P2RY14: variants seen among roughly 807,000 people sequenced by gnomAD.
P2RY14 encodes the protein purinergic receptor P2Y14, also known as P2Y purinoceptor 14.
Under a neutral mutation model 0.9 loss-of-function variants are expected in P2RY14, and 2 were observed. The observed-to-expected ratio is 2.16, with a 90% confidence interval of 0.88 to 6.79. The LOEUF (loss-of-function observed/expected upper bound fraction) is 6.79. P2RY14 is among the 30% of genes most tolerant of loss of function. P2RY14 has a pLI of 0.05. For missense variants in P2RY14, 378 were observed against 400.1 expected (o/e 0.94, Z 0.47); for synonymous variants, 158 against 147.2 (o/e 1.07, Z -0.53).
intron 1 of P2RY14, among the ~76,000 whole-genome samples, chr3:151,239,478 C>A (rs934741688): frequency 6.6e-6 from 1 of 152,176 alleles, no homozygotes; most frequent in Admixed American, 6.5e-5. Flanking sequence ...ACTGTCTTCT[C>A]TAGGCCAGAT....
intron 1 of P2RY14, among the ~76,000 whole-genome samples, chr3:151,253,160 AG>A (rs1369016468): frequency 1.3e-5 from 2 of 152,310 alleles, no homozygotes; most frequent in East Asian, 3.9e-4. Flanking sequence ...GGGTCATGAC[AG>A]GCACCCTGTA....
At chr3:151,273,919 G>GT (rs1235750234) in intron 1 of P2RY14, among the ~76,000 whole-genome samples, 1 of 152,172 alleles carries the variant, frequency 6.6e-6, no homozygotes, top group East Asian at 1.9e-4. Context: ...ACTTCACTGT[G>GT]TTATGAGGCT....
In P2RY14 at chr3:151,269,397, TCACACA is replaced by T. The variant is rs71801434; in HGVS notation, c.-133+8884_-133+8889del. 1,409 of 144,786 alleles carry T rather than the reference TCACACA, an allele frequency of 9.7e-3. 21 individuals carry two copies. Among genetic ancestry groups the T allele is most frequent in the African/African-American group, 0.03 (1,038 of 34,134 alleles). The allele number at this position is 144,786 out of a possible 1,614,324, so 9.0% of individuals were successfully genotyped here. Reference sequence around the variant, plus strand: ...CCTGGGCAACAAGAGTGAAACTCCATCACACACACACACACACACACACACACACAC... The same window carrying T: ...CCTGGGCAACAAGAGTGAAACTCCATCACACACACACACACACACACACAC... On this transcript the variant is annotated intron_variant, in intron 1 of 2. Coordinates refer to ENST00000309170, the MANE Select transcript of P2RY14 (RefSeq NM_014879.4).
intron 1 of P2RY14, among the ~76,000 whole-genome samples, chr3:151,221,457 G>A (rs1729337877): frequency 6.6e-6 from 1 of 152,196 alleles, no homozygotes; most frequent in African/African-American, 2.4e-5. Context: ...CGCAGGCCTG[G>A]AGGCCTAGAA....
At chr3:151,218,121 C>G (rs1728596980) in intron 2 of P2RY14, among the ~76,000 whole-genome samples, 2 of 152,120 alleles carry the variant, frequency 1.3e-5, no homozygotes, top group African/African-American at 2.4e-5. Flanking sequence ...TCAAATCTTT[C>G]ACAAATGAAG....
intron 1 of P2RY14, among the ~76,000 whole-genome samples, chr3:151,277,201 GCCT>G (rs1742017140): frequency 6.6e-6 from 1 of 151,340 alleles, no homozygotes; most frequent in East Asian, 1.9e-4. Flanking sequence ...ACCATGCCTG[GCCT>G]CCTTGTTTTT....
chr3:151,242,372 C>A (rs1009083233), intron 1 of P2RY14, among the ~76,000 whole-genome samples: 39 of 152,370 alleles, frequency 2.6e-4, no homozygotes, highest in African/African-American at 8.2e-4. Context: ...TTAAATGTCC[C>A]TGTCTGACAG....
At chr3:151,214,984 G>A (rs1390898377) in intron 2 of P2RY14, among the ~76,000 whole-genome samples, 5 of 151,904 alleles carry the variant, frequency 3.3e-5, no homozygotes, top group East Asian at 1.9e-4. Flanking sequence ...CTATTCAGAC[G>A]GACCTTACTT....
intron 1 of P2RY14, among the ~76,000 whole-genome samples, chr3:151,271,953 C>T (rs1741031456): frequency 6.6e-6 from 1 of 152,144 alleles, no homozygotes; most frequent in South Asian, 2.1e-4. Flanking sequence ...CCTCAATGAA[C>T]TCTACACTTA....
chr3:151,275,718 A>C (rs1047610828), intron 1 of P2RY14, among the ~76,000 whole-genome samples: 1 of 152,198 alleles, frequency 6.6e-6, no homozygotes, highest in African/African-American at 2.4e-5. Context: ...GAACCAGAAA[A>C]TTTAGTAAAG....
chr3:151,241,064 T>C (rs1463134712), intron 1 of P2RY14, among the ~76,000 whole-genome samples: 5 of 151,950 alleles, frequency 3.3e-5, no homozygotes, highest in African/African-American at 1.2e-4. Flanking sequence ...CGGGGGACTA[T>C]ACTCATGGGA....
At chr3:151,270,378 A>G (rs1210724470) in intron 1 of P2RY14, among the ~76,000 whole-genome samples, 5 of 151,964 alleles carry the variant, frequency 3.3e-5, no homozygotes, top group Non-Finnish European at 5.9e-5. Flanking sequence ...TTCCAAATTC[A>G]TTTTTATCCC....
At chr3:151,218,854 A>C (rs1445007780) in intron 2 of P2RY14, among the ~76,000 whole-genome samples, 1 of 133,054 alleles carries the variant, frequency 7.5e-6, no homozygotes, top group African/African-American at 2.9e-5. Flanking sequence ...GTGACAGAGC[A>C]AGACTCAGTC....
At chr3:151,230,054 T>C (rs1193125584) in intron 1 of P2RY14, among the ~76,000 whole-genome samples, 2 of 151,822 alleles carry the variant, frequency 1.3e-5, no homozygotes, top group African/African-American at 4.8e-5. Context: ...ACTGCAAGCT[T>C]CGCCTGCTGG....
At chr3:151,265,793 G>A (rs1474183131) in intron 1 of P2RY14, among the ~76,000 whole-genome samples, 1 of 152,066 alleles carries the variant, frequency 6.6e-6, no homozygotes, top group African/African-American at 2.4e-5. Context: ...GTAAGATTGT[G>A]TTTGTATAAA....
At chr3:151,239,790 T>C (rs1371257488) in intron 1 of P2RY14, among the ~76,000 whole-genome samples, 2 of 152,306 alleles carry the variant, frequency 1.3e-5, no homozygotes, top group Non-Finnish European at 2.9e-5. Flanking sequence ...TTGCTTGTTT[T>C]AGCACTCCAG....
chr3:151,218,097 G>C (rs1305419124), intron 2 of P2RY14, among the ~76,000 whole-genome samples: 1 of 152,114 alleles, frequency 6.6e-6, no homozygotes, highest in South Asian at 2.1e-4. Flanking sequence ...CTCATACAGG[G>C]ACCTACAGAA....
chr3:151,249,129 T>A (rs773277561), intron 1 of P2RY14: 1 of 152,212 alleles, frequency 6.6e-6, no homozygotes, highest in Non-Finnish European at 1.5e-5. Context: ...AAGTTGGACC[T>A]GATTTGGATT....
At chr3:151,232,347 G>C (rs920932199) in intron 1 of P2RY14, among the ~76,000 whole-genome samples, 3 of 152,122 alleles carry the variant, frequency 2.0e-5, no homozygotes, top group African/African-American at 4.8e-5. Context: ...AACCTTGCCA[G>C]CATCTGTTAT....
Sources: gnomAD v4.1 joint callset for allele counts (sites outside exome capture counted in the v4.1 genomes callset) on GRCh38, gnomAD v4.1.1 for gene constraint, MANE v1.5 for transcripts, NCBI Gene and HGNC (gene_info 2026-07-23, HGNC 2026-07-21) for gene names.